Variants in SPATA13 observed in about 807,000 individuals in gnomAD.
SPATA13 encodes the protein spermatogenesis-associated protein 13.
In SPATA13, 50 loss-of-function variants were observed where a neutral mutation model predicts 104.0. The ratio of observed to expected loss-of-function variants is 0.48; its 90% CI spans 0.38 to 0.61. The LOEUF is 0.61. Among genes scored for constraint, SPATA13 ranks in the 20% least tolerant of loss-of-function variants. The pLI, the probability that SPATA13 is intolerant of heterozygous loss-of-function variation, is 0.00. For missense variants in SPATA13, 1,524 were observed against 1,690.6 expected (o/e 0.90, Z 1.73); for synonymous variants, 606 against 667.5 (o/e 0.91, Z 1.42).
chr13:24,259,907 T>G (rs1472331530), intron 4 of SPATA13, among the ~76,000 whole-genome samples: 1 of 152,224 alleles, frequency 6.6e-6, no homozygotes, highest in East Asian at 1.9e-4. Context: ...TACAAAGTAC[T>G]GGGATTAGAG....
intron 1 of SPATA13, among the ~76,000 whole-genome samples, chr13:24,215,326 T>C (rs1029805827): frequency 1.3e-5 from 2 of 152,226 alleles, no homozygotes; most frequent in African/African-American, 2.4e-5. Flanking sequence ...GCAGAAGGCA[T>C]TTCAGCAACT....
intron 3 of SPATA13, among the ~76,000 whole-genome samples, chr13:24,027,385 G>C (rs967072597): frequency 6.6e-6 from 1 of 150,534 alleles, no homozygotes; most frequent in African/African-American, 2.4e-5. Flanking sequence ...CACCCGCCTC[G>C]GCCTCCCAAA....
chr13:24,142,357 C>A (rs1470393709), intron 3 of SPATA13, among the ~76,000 whole-genome samples: 1 of 152,170 alleles, frequency 6.6e-6, no homozygotes, highest in Non-Finnish European at 1.5e-5. Context: ...ACATTCCAGT[C>A]AGTTGTCAAA....
chr13:23,982,762 G>A (rs575887893), intron 1 of SPATA13, among the ~76,000 whole-genome samples: 10 of 152,148 alleles, frequency 6.6e-5, no homozygotes, highest in Non-Finnish European at 1.3e-4. Flanking sequence ...GAAGTTGAAC[G>A]AGTCAGACAG....
chr13:24,067,617 C>A (rs754835186), intron 3 of SPATA13, among the ~76,000 whole-genome samples: 2 of 152,148 alleles, frequency 1.3e-5, no homozygotes, highest in Non-Finnish European at 2.9e-5. Flanking sequence ...AAGTTAACAG[C>A]GTGGAAGGCT....
rs181963103 is a variant in SPATA13, at chr13:24,301,209, C to G, written c.3658+734C>G. 5.9e-5 allele frequency among the ~76,000 whole-genome samples: 9 copies of G among 152,258 alleles called. No homozygotes were observed. In the East Asian group the frequency reaches 1.7e-3, roughly 29 times the overall value. ...TAGAAACTTTATTCCCGTCATCTTTCTACTTTAAAAGGCATTTACCCCATG... is the reference window on the plus strand; with the variant it reads ...TAGAAACTTTATTCCCGTCATCTTTGTACTTTAAAAGGCATTTACCCCATG... On this transcript the variant is annotated intron_variant, in intron 12 of 12. Transcript: ENST00000382108.
chr13:24,170,509 A>AGAGGTGC (rs1401225966), intron 1 of SPATA13, among the ~76,000 whole-genome samples: 2 of 152,188 alleles, frequency 1.3e-5, no homozygotes, highest in African/African-American at 4.8e-5. Flanking sequence ...GTCGTCAGCA[A>AGAGGTGC]GAGGTGCTAC....
At chr13:24,246,992 C>T (rs116069012) in intron 2 of SPATA13, among the ~76,000 whole-genome samples, 1,744 of 152,238 alleles carry the variant, frequency 0.011, 13 homozygotes, top group African/African-American at 0.023. Context: ...CAGGAAAATA[C>T]GTGAGTTTTG....
At chr13:23,995,977 C>A (rs868449768) in intron 2 of SPATA13, among the ~76,000 whole-genome samples, 1 of 152,132 alleles carries the variant, frequency 6.6e-6, no homozygotes, top group Non-Finnish European at 1.5e-5. Flanking sequence ...GAGAGACAAC[C>A]GAGCAGATAG....
chr13:24,057,237 C>G (rs867913649), intron 3 of SPATA13, among the ~76,000 whole-genome samples: 21 of 151,788 alleles, frequency 1.4e-4, no homozygotes, highest in African/African-American at 4.8e-4. Flanking sequence ...CCCCCTCCCC[C>G]CAACCCCACA....
chr13:24,050,550 G>A (rs1224551363), intron 3 of SPATA13, among the ~76,000 whole-genome samples: 1 of 152,216 alleles, frequency 6.6e-6, no homozygotes, highest in Non-Finnish European at 1.5e-5. Context: ...GAGGGACCCA[G>A]CTGGCATGTG....
Position 24,135,814 on chromosome 13 carries a change from G to C in SPATA13, c.-111-87005G>C, listed in dbSNP as rs1161252491. Reference sequence around the variant, plus strand: ...TGAGGGGAACTGTAAGGAAATGCCAGTGTATTTACTGAAAGTAAATGCTTG... The same window carrying C: ...TGAGGGGAACTGTAAGGAAATGCCACTGTATTTACTGAAAGTAAATGCTTG... On this transcript the variant is annotated intron_variant, in intron 3 of 14. Transcript: ENST00000424834. 8.6e-5 allele frequency among the ~76,000 whole-genome samples: 13 copies of C among 152,022 alleles called. 1 individual carries two copies. The highest frequency in any genetic ancestry group is 8.5e-4 in the Admixed American group (13 of 15,274).
rs574605497 is a variant in SPATA13, at chr13:24,303,177, C to G, written c.*404C>G. ...AAGGAGTGATGAGGTTAGAGGATCA[C>G]TTCTGCATTTGATTTTCAAGGATGC... On this transcript the variant is annotated 3_prime_UTR_variant, in exon 13 of 13. Coordinates refer to ENST00000382108, the MANE Select transcript of SPATA13 (RefSeq NM_001166271.3). 7.9e-5 allele frequency: 31 copies of G among 390,204 alleles called. No homozygotes were observed. The East Asian group carries it at 1.0e-3, about 13-fold the overall frequency. 24.2% of individuals were successfully genotyped at this position (390,204 alleles called of 1,614,324 possible). A position where few individuals can be genotyped will look rare whatever the true frequency, so the allele number is the denominator to read the frequency against.
chr13:24,027,170 G>A (rs367860080), intron 3 of SPATA13, among the ~76,000 whole-genome samples: 3 of 120,168 alleles, frequency 2.5e-5, no homozygotes, highest in African/African-American at 3.3e-5. Context: ...AGTCTAGCTC[G>A]GTCGTCCAGG....
Position 24,288,940 on chromosome 13 carries a change from A to G in SPATA13, c.2668-59A>G, listed in dbSNP as rs149226569. 9.6e-6 allele frequency: 14 copies of G among 1,463,730 alleles called. No homozygotes were observed. The African/African-American group carries it at 1.4e-4, about 15-fold the overall frequency. 90.7% of individuals were successfully genotyped at this position (1,463,730 alleles called of 1,614,324 possible). A position where few individuals can be genotyped will look rare whatever the true frequency, so the allele number is the denominator to read the frequency against. On this transcript the variant is annotated intron_variant, in intron 7 of 12. Coordinates refer to ENST00000382108, the MANE Select transcript of SPATA13 (RefSeq NM_001166271.3). ...ATGGCTTTAGGCCTACAAAAGCTGT[A>G]CTATTCAAATAATTTATTTGGATTT...
chr13:24,108,659 TA>T (rs375048655), intron 3 of SPATA13, among the ~76,000 whole-genome samples: 3,525 of 57,844 alleles, frequency 0.061, 110 homozygotes, highest in Admixed American at 0.21. Context: ...CTTTTCATGG[TA>T]GGGGGGGGGA....
chr13:24,225,027 A>G (rs181805028), intron 2 of SPATA13, among the ~76,000 whole-genome samples: 21 of 152,370 alleles, frequency 1.4e-4, no homozygotes, highest in African/African-American at 5.0e-4. Context: ...ACCTGTCCTA[A>G]TGTCACAGCA....
At chr13:24,173,288 G>A (rs1196574794) in intron 1 of SPATA13, among the ~76,000 whole-genome samples, 2 of 151,596 alleles carry the variant, frequency 1.3e-5, no homozygotes, top group Non-Finnish European at 2.9e-5. Context: ...CATGTTAGCC[G>A]GGATAGACAA....
chr13:24,291,774 G>A (rs1176630769), intron 9 of SPATA13, among the ~76,000 whole-genome samples: 1 of 118,424 alleles, frequency 8.4e-6, no homozygotes, highest in African/African-American at 3.1e-5. Flanking sequence ...TTTTGAGACG[G>A]AGTCTCGTTC....
Sources: allele counts gnomAD v4.1 joint callset (sites outside exome capture counted in the v4.1 genomes callset), GRCh38; gene constraint gnomAD v4.1.1; transcripts MANE v1.5; gene names NCBI Gene and HGNC (gene_info 2026-07-23, HGNC 2026-07-21).